The following CCSER1 variants were observed in gnomAD, a reference collection of about 807,000 sequenced individuals.
CCSER1 encodes serine-rich coiled-coil domain-containing protein 1.
A neutral mutation model predicts 82.0 loss-of-function variants in CCSER1; 41 were observed. That is an observed-to-expected ratio of 0.50 (90% CI 0.39 to 0.65). CCSER1 has a LOEUF of 0.65. Among genes scored for constraint, CCSER1 ranks in the 30% least tolerant of loss-of-function variants. The pLI is 0.00. For synonymous variants in CCSER1, 414 were observed against 383.9 expected (o/e 1.08, Z -0.92); for missense variants, 1,119 against 1,064.2 (o/e 1.05, Z -0.72).
At position 90,803,373 on chromosome 4, in the gene CCSER1, C is replaced by T. The variant is rs528999874; in HGVS notation, c.2011-12389C>T. ...TTATCCCTCCCTTAGTCCCCCACCC[C>T]CTGACAGGCCTTGCTGTGTGATGTT... On this transcript the variant is annotated intron_variant, in intron 7 of 10. Transcript: ENST00000509176. Among the ~76,000 whole-genome samples the T allele has an allele frequency of 3.5e-5, 5 of 144,114 alleles. No homozygotes were observed. The East Asian group carries it at 1.0e-3, about 30-fold the overall frequency. The allele number at this position is 144,114 out of a possible 152,430, so 94.5% of individuals were successfully genotyped here. A position where few individuals can be genotyped will look rare whatever the true frequency, so the allele number is the denominator to read the frequency against.
chr4:91,590,540 G>T lies in CCSER1; in HGVS notation c.2218-8032G>T, dbSNP rs187724068. On this transcript the variant is annotated intron_variant, in intron 10 of 10. Transcript: ENST00000509176. ...TTGAAGAGAACTTCTATTTCTCAGT[G>T]ATGACAGGAAAAGGGCAGCCTGTTA... 7.2e-5 allele frequency among the ~76,000 whole-genome samples: 11 copies of T among 152,236 alleles called. No homozygotes were observed. The East Asian group carries it at 2.1e-3, about 29-fold the overall frequency.
At chr4:91,130,956 A>G (rs781571526) in intron 10 of CCSER1, among the ~76,000 whole-genome samples, 114 of 151,792 alleles carry the variant, frequency 7.5e-4, no homozygotes, top group Non-Finnish European at 9.4e-4. Flanking sequence ...AAAAACAGCT[A>G]TAGGAGTTCA....
chr4:91,173,593 CAAAAAAAAAAAAA>C (rs55747744), intron 10 of CCSER1, among the ~76,000 whole-genome samples: 3 of 104,730 alleles, frequency 2.9e-5, no homozygotes, highest in African/African-American at 1.1e-4. Flanking sequence ...GACTCCGTCT[CAAAAAAAAAAAAA>C]AAAAAAAAAA....
At chr4:91,090,910 A>AT (rs1242573902) in intron 10 of CCSER1, among the ~76,000 whole-genome samples, 4 of 152,004 alleles carry the variant, frequency 2.6e-5, no homozygotes, top group Non-Finnish European at 4.4e-5. Flanking sequence ...CCTTTTCTCC[A>AT]TTTTGGGTCC....
At chr4:90,744,843 T>G (rs1314816794) in intron 7 of CCSER1, among the ~76,000 whole-genome samples, 1 of 152,012 alleles carries the variant, frequency 6.6e-6, no homozygotes, top group African/African-American at 2.4e-5. Context: ...CTGAAACAAG[T>G]CCCCTATCCA....
chr4:91,487,004 A>G (rs1028169920), intron 10 of CCSER1, among the ~76,000 whole-genome samples: 6 of 152,128 alleles, frequency 3.9e-5, no homozygotes, highest in African/African-American at 1.4e-4. Flanking sequence ...TGATATACAT[A>G]AACCAAATAT....
At chr4:90,590,431 T>C (rs1782549895) in intron 5 of CCSER1, among the ~76,000 whole-genome samples, 1 of 152,074 alleles carries the variant, frequency 6.6e-6, no homozygotes, top group Admixed American at 6.6e-5. Context: ...AGTACAAAAA[T>C]TAGCTGGGTG....
At chr4:91,481,734 T>C (rs1296437422) in intron 10 of CCSER1, among the ~76,000 whole-genome samples, 1 of 152,152 alleles carries the variant, frequency 6.6e-6, no homozygotes, top group Admixed American at 6.5e-5. Flanking sequence ...ACTAAAGAAT[T>C]TGAGGTTTCC....
chr4:91,388,972 A>G (rs1017700970), intron 10 of CCSER1, among the ~76,000 whole-genome samples: 73 of 152,130 alleles, frequency 4.8e-4, no homozygotes, highest in Admixed American at 6.6e-4. Context: ...TTATTTATAT[A>G]TTTTGAATAA....
intron 7 of CCSER1, among the ~76,000 whole-genome samples, chr4:90,762,591 AT>A: frequency 6.6e-6 from 1 of 152,300 alleles, no homozygotes; most frequent in East Asian, 1.9e-4. Context: ...TCACTTACAA[AT>A]AAAACTTTGA....
intron 10 of CCSER1, among the ~76,000 whole-genome samples, chr4:91,537,467 T>C (rs553773835): frequency 1.3e-5 from 2 of 152,174 alleles, no homozygotes; most frequent in Non-Finnish European, 2.9e-5. Context: ...AAAAAAGTGC[T>C]TTGACAATTT....
At chr4:91,047,061 T>A (rs1742567554) in intron 9 of CCSER1, among the ~76,000 whole-genome samples, 1 of 152,096 alleles carries the variant, frequency 6.6e-6, no homozygotes, top group South Asian at 2.1e-4. Context: ...TTCCACTGAC[T>A]AAAACTCAGT....
intron 9 of CCSER1, among the ~76,000 whole-genome samples, chr4:91,060,064 T>C (rs2148733035): frequency 6.6e-6 from 1 of 152,204 alleles, no homozygotes; most frequent in African/African-American, 2.4e-5. Flanking sequence ...CTTTTCTCCC[T>C]GTTGGGATCA....
intron 8 of CCSER1, among the ~76,000 whole-genome samples, chr4:90,899,147 A>T (rs1724221782): frequency 6.6e-6 from 1 of 152,072 alleles, no homozygotes; most frequent in African/African-American, 2.4e-5. Flanking sequence ...TTCTTGTTGT[A>T]GAGATGCTTC....
At chr4:91,027,837 A>G (rs1740627048) in intron 9 of CCSER1, among the ~76,000 whole-genome samples, 1 of 152,046 alleles carries the variant, frequency 6.6e-6, no homozygotes. Flanking sequence ...TACATGTCAA[A>G]CCACATACAA....
At chr4:91,097,777 G>T (rs1434697127) in intron 10 of CCSER1, among the ~76,000 whole-genome samples, 2 of 152,102 alleles carry the variant, frequency 1.3e-5, no homozygotes, top group Non-Finnish European at 2.9e-5. Context: ...TGCAAGTACA[G>T]ATAGATTCTT....
intron 5 of CCSER1, among the ~76,000 whole-genome samples, chr4:90,542,870 T>G (rs1451606522): frequency 6.6e-6 from 1 of 152,124 alleles, no homozygotes; most frequent in Non-Finnish European, 1.5e-5. Context: ...TCTTTTTCCC[T>G]TTCATTTTGA....
At position 91,598,859 on chromosome 4, in the gene CCSER1, G is replaced by C. The variant is rs762674361; in HGVS notation, c.2505G>C (p.Lys835Asn). The C allele has an allele frequency of 6.4e-7, 1 of 1,551,518 alleles. No individual in the cohort carries two copies. Among genetic ancestry groups the C allele is most frequent in the African/African-American group, 1.4e-5 (1 of 73,050 alleles). Reference sequence around the variant, plus strand: ...AGAGCTCTCTGAAGCCAACAGCTAAGACAGAAGGGCTCTCCACGTTCTTAG... The same window carrying C: ...AGAGCTCTCTGAAGCCAACAGCTAACACAGAAGGGCTCTCCACGTTCTTAG... ...VGQSSLKPTA[K>N]TEGLSTFLEK... The change falls in exon 11 of 11, where the codon AAG becomes AAC. Residue 835 changes from lysine (K) to asparagine (N), a missense_variant. Transcript: ENST00000509176.
intron 5 of CCSER1, among the ~76,000 whole-genome samples, chr4:90,536,133 A>T (rs957387819): frequency 1.7e-4 from 26 of 150,268 alleles, no homozygotes. Context: ...CCTGGGTTCA[A>T]GCAATTCTCC....
Sources: gnomAD v4.1 joint callset for allele counts (sites outside exome capture counted in the v4.1 genomes callset) on GRCh38, gnomAD v4.1.1 for gene constraint, MANE v1.5 for transcripts, NCBI Gene and HGNC (gene_info 2026-07-23, HGNC 2026-07-21) for gene names.